Variants in GPC4 observed in about 807,000 individuals in gnomAD.
GPC4 encodes the protein glypican 4, also known as glypican-4.
In GPC4, 10 loss-of-function variants were observed where a neutral mutation model predicts 35.0. The observed-to-expected ratio is 0.29, with a 90% CI of 0.18 to 0.48. GPC4 has a LOEUF of 0.48. Among genes scored for constraint, GPC4 ranks in the 20% least tolerant of loss-of-function variants. The pLI is 0.99. For synonymous variants in GPC4, 167 were observed against 170.2 expected, an observed-to-expected ratio of 0.98 and a Z score of 0.15; for missense variants, 322 against 451.3, an observed-to-expected ratio of 0.71 and a Z score of 2.60.
chrX:133,412,012 T>C (rs2068814893), intron 1 of GPC4, among the ~76,000 whole-genome samples: 1 of 111,580 alleles, frequency 9.0e-6, no homozygotes, highest in African/African-American at 3.3e-5. Flanking sequence ...TGCAAGGCCA[T>C]CTGGAATAAA....
Position 133,415,229 on chromosome X carries a change from C to CA in GPC4, c.-265dup. On this transcript the variant is annotated 5_prime_UTR_variant, in exon 1 of 9. Coordinates refer to ENST00000370828, the MANE Select transcript of GPC4 (RefSeq NM_001448.3). ...GGAGGCGGCGCGCGGCCCAGGGAAG[C>CA]AGAGGCGCGGGCTGGTGACCTCGGG... is the stretch of plus-strand genomic sequence containing the variant. 1 of 324,006 alleles carries CA rather than the reference C, an allele frequency of 3.1e-6. No individual in the cohort carries two copies. Among genetic ancestry groups the CA allele is most frequent in the Non-Finnish European group, 5.3e-6 (1 of 187,359 alleles). The allele number at this position is 324,006 out of a possible 1,213,427, so 26.7% of individuals were successfully genotyped here.
chrX:133,327,479 A>G (rs2124123339), intron 2 of GPC4, among the ~76,000 whole-genome samples: 1 of 111,276 alleles, frequency 9.0e-6, no homozygotes, highest in African/African-American at 3.3e-5. Flanking sequence ...TCAGGTCAAG[A>G]GCTTATGGGT....
intron 1 of GPC4, among the ~76,000 whole-genome samples, chrX:133,406,747 C>CAAAAA (rs56973194): frequency 5.2e-5 from 2 of 38,295 alleles, no homozygotes; most frequent in Admixed American, 4.2e-4. Context: ...GACTTCGTCT[C>CAAAAA]AAAAAAAAAA....
intron 2 of GPC4, among the ~76,000 whole-genome samples, chrX:133,337,777 C>T (rs1043851868): frequency 2.7e-5 from 3 of 110,598 alleles, no homozygotes; most frequent in Admixed American, 9.7e-5. Flanking sequence ...TCAGGAGAGA[C>T]AGAGGAGGTC....
chrX:133,345,145 T>A (rs2068487045), intron 1 of GPC4, among the ~76,000 whole-genome samples: 1 of 111,823 alleles, frequency 8.9e-6, no homozygotes, highest in Non-Finnish European at 1.9e-5. Context: ...ACAGCAGCAG[T>A]CTAGGGATAA....
intron 2 of GPC4, among the ~76,000 whole-genome samples, chrX:133,328,624 T>C (rs899669762): frequency 6.3e-5 from 7 of 111,397 alleles, no homozygotes; most frequent in Non-Finnish European, 1.3e-4. Flanking sequence ...TCCATTTTTT[T>C]TTCAATCATT....
At chrX:133,312,721 A>C (rs1284960036) in intron 3 of GPC4, among the ~76,000 whole-genome samples, 1 of 110,359 alleles carries the variant, frequency 9.1e-6, no homozygotes, top group Non-Finnish European at 1.9e-5. Flanking sequence ...ACAAACAAAC[A>C]GGGACACCAT....
intron 1 of GPC4, among the ~76,000 whole-genome samples, chrX:133,403,153 T>C (rs2068773523): frequency 8.9e-6 from 1 of 111,796 alleles, no homozygotes; most frequent in South Asian, 3.7e-4. Context: ...TAGGACTGAA[T>C]GTATGCAAAA....
chrX:133,363,387 C>T (rs1373238976), intron 1 of GPC4, among the ~76,000 whole-genome samples: 1 of 110,648 alleles, frequency 9.0e-6, no homozygotes, highest in Non-Finnish European at 1.9e-5. Flanking sequence ...TGTCCTTCCC[C>T]AAACACTCTC....
chrX:133,394,622 G>C (rs2068734392), intron 1 of GPC4, among the ~76,000 whole-genome samples: 2 of 111,463 alleles, frequency 1.8e-5, no homozygotes, highest in Admixed American at 1.9e-4. Context: ...CCAGGTTTCT[G>C]GCCACTGGAG....
intron 1 of GPC4, among the ~76,000 whole-genome samples, chrX:133,368,625 C>T (rs1327761172): frequency 9.0e-6 from 1 of 110,936 alleles, no homozygotes; most frequent in Non-Finnish European, 1.9e-5. Context: ...AAAATTACTT[C>T]AATATAACAT....
chrX:133,325,019 A>T (rs1393852636), intron 2 of GPC4, among the ~76,000 whole-genome samples: 1 of 110,579 alleles, frequency 9.0e-6, no homozygotes, highest in Non-Finnish European at 1.9e-5. Context: ...TTGGGCCTGA[A>T]TTTTTTTTTC....
chrX:133,403,953 T>A (rs2068776270), intron 1 of GPC4, among the ~76,000 whole-genome samples: 1 of 110,958 alleles, frequency 9.0e-6, no homozygotes, highest in African/African-American at 3.3e-5. Context: ...TGCCTCGACC[T>A]CCCAAAGTGA....
At chrX:133,337,186 G>A (rs1230466618) in intron 2 of GPC4, among the ~76,000 whole-genome samples, 1 of 112,360 alleles carries the variant, frequency 8.9e-6, no homozygotes, top group Non-Finnish European at 1.9e-5. Flanking sequence ...TTTTGAAACT[G>A]ATCAAGGCAC....
intron 3 of GPC4, among the ~76,000 whole-genome samples, chrX:133,312,771 G>A (rs2068321954): frequency 9.0e-6 from 1 of 111,290 alleles, no homozygotes; most frequent in Non-Finnish European, 1.9e-5. Context: ...AGTTTGTGAG[G>A]AAGGAAAGGA....
chrX:133,302,532 GA>G lies in GPC4; in HGVS notation c.*334del, dbSNP rs201783848. On this transcript the variant is annotated 3_prime_UTR_variant, in exon 9 of 9. Coordinates refer to ENST00000370828, the MANE Select transcript of GPC4 (RefSeq NM_001448.3). ...AAGAAACAAGGCGAGATCACAGTTG[GA>G]AAAAAAAACCCACAAACGAAATGAG... 1.3e-4 allele frequency: 22 copies of G among 163,486 alleles called. No homozygotes were observed. Among genetic ancestry groups the G allele is most frequent in the Admixed American group, 4.7e-4 (6 of 12,720 alleles). The allele number at this position is 163,486 out of a possible 1,213,427, so 13.5% of individuals were successfully genotyped here.
Position 133,305,048 on chromosome X carries a change from G to C in GPC4, c.1156-187C>G, listed in dbSNP as rs1317952189. Among the ~76,000 whole-genome samples the C allele has an allele frequency of 2.0e-4, 22 of 111,919 alleles. No individual in the cohort carries two copies. In the Admixed American group the frequency reaches 2.0e-3, roughly 10 times the overall value. ...GAAGTACAAAACCACTCAAATAATA[G>C]TTGAAATGCAAGCTCCAAAGGAGTG... On this transcript the variant is annotated intron_variant, in intron 6 of 8. Coordinates refer to ENST00000370828, the MANE Select transcript of GPC4 (RefSeq NM_001448.3).
chrX:133,392,168 G>A (rs2068722730), intron 1 of GPC4, among the ~76,000 whole-genome samples: 1 of 108,034 alleles, frequency 9.3e-6, no homozygotes, highest in African/African-American at 3.4e-5. Flanking sequence ...GGGAGGCAAA[G>A]GCTGCAGTGA....
chrX:133,304,885 A>AC (rs2068284232), intron 6 of GPC4, 24 bp from the exon 7 acceptor site: 1 of 1,202,030 alleles, frequency 8.3e-7, no homozygotes, highest in East Asian at 3.0e-5. Context: ...AACAACAACA[A>AC]AAAAAGATCA....
Sources: gnomAD v4.1 joint callset for allele counts (sites outside exome capture counted in the v4.1 genomes callset) on GRCh38, gnomAD v4.1.1 for gene constraint, MANE v1.5 for transcripts, NCBI Gene and HGNC (gene_info 2026-07-23, HGNC 2026-07-21) for gene names.